Variants in SLC8A1 observed in about 807,000 individuals in gnomAD.
SLC8A1 encodes the protein sodium/calcium exchanger 1.
A neutral mutation model predicts 68.3 loss-of-function variants in SLC8A1; 18 were observed. The observed-to-expected ratio is 0.26, with a 90% CI of 0.18 to 0.39. SLC8A1 has a LOEUF of 0.39. SLC8A1 is among the 10% of genes least tolerant of loss of function. SLC8A1 has a pLI of 1.00. For synonymous variants in SLC8A1, 475 were observed against 415.5 expected, an observed-to-expected ratio of 1.14 and a Z score of -1.74; for missense variants, 985 against 1,156.7, an observed-to-expected ratio of 0.85 and a Z score of 2.15.
At chr2:40,444,893 A>C (rs1701154236) in intron 1 of SLC8A1, among the ~76,000 whole-genome samples, 1 of 152,186 alleles carries the variant, frequency 6.6e-6, no homozygotes, top group South Asian at 2.1e-4. Flanking sequence ...CATTTAAAAA[A>C]TCAGCTCTCT....
At chr2:40,486,002 T>A (rs1353098589) in intron 1 of SLC8A1, among the ~76,000 whole-genome samples, 1 of 152,232 alleles carries the variant, frequency 6.6e-6, no homozygotes, top group Non-Finnish European at 1.5e-5. Context: ...GTTCTCATAA[T>A]GGCCGCATGT....
chr2:40,308,037 T>C (rs561072376), intron 2 of SLC8A1, among the ~76,000 whole-genome samples: 27 of 152,132 alleles, frequency 1.8e-4, no homozygotes, highest in Middle Eastern at 3.4e-3. Context: ...TAAAATAATA[T>C]AAATAAAAGT....
At chr2:40,478,773 TG>T (rs1410126000) in intron 1 of SLC8A1, among the ~76,000 whole-genome samples, 3 of 151,440 alleles carry the variant, frequency 2.0e-5, no homozygotes, top group South Asian at 4.2e-4. Context: ...CTAATTTGTT[TG>T]TTTTTTTTTT....
At chr2:40,458,195 T>C (rs956921922) in intron 1 of SLC8A1, among the ~76,000 whole-genome samples, 2 of 152,198 alleles carry the variant, frequency 1.3e-5, no homozygotes, top group South Asian at 4.1e-4. Context: ...CTCTATCAAA[T>C]TTCACTATTA....
At position 40,232,625 on chromosome 2, in the gene SLC8A1, G is replaced by C. The variant is rs1270922855; in HGVS notation, c.1809-54770C>G. On this transcript the variant is annotated intron_variant, in intron 2 of 7. Coordinates refer to ENST00000406785, the Ensembl canonical transcript of SLC8A1. The stretch of plus-strand genomic sequence containing the variant: ...TTTTTTTTTTTTTTATATACTTTAA[G>C]TTTTAGGGTACATGTGCACATTGTG... Among the ~76,000 whole-genome samples the C allele has an allele frequency of 2.9e-5, 4 of 138,078 alleles. 1 individual carries two copies. Among genetic ancestry groups the C allele is most frequent in the African/African-American group, 1.1e-4 (4 of 37,316 alleles). The allele number at this position is 138,078 out of a possible 152,430, so 90.6% of individuals were successfully genotyped here. A position where few individuals can be genotyped will look rare whatever the true frequency, so the allele number is the denominator to read the frequency against.
intron 2 of SLC8A1, among the ~76,000 whole-genome samples, chr2:40,338,026 T>G (rs1666531111): frequency 6.6e-6 from 1 of 152,138 alleles, no homozygotes; most frequent in Non-Finnish European, 1.5e-5. Context: ...AGGCAGCATC[T>G]GAACTTAGGA....
At chr2:40,365,294 A>G (rs944222457) in intron 2 of SLC8A1, among the ~76,000 whole-genome samples, 1 of 152,062 alleles carries the variant, frequency 6.6e-6, no homozygotes, top group Non-Finnish European at 1.5e-5. Flanking sequence ...TCAGCTATAC[A>G]TTGACATATC....
intron 2 of SLC8A1, among the ~76,000 whole-genome samples, chr2:40,290,332 T>C (rs1344748951): frequency 6.6e-6 from 1 of 152,190 alleles, no homozygotes; most frequent in African/African-American, 2.4e-5. Flanking sequence ...CTGTATCTTC[T>C]AGTTGACCCA....
intron 6 of SLC8A1, among the ~76,000 whole-genome samples, chr2:40,142,600 G>A (rs750319931): frequency 3.9e-5 from 6 of 152,040 alleles, no homozygotes; most frequent in Admixed American, 6.6e-5. Context: ...TTTTGAAGAC[G>A]AACAAGAGAA....
At chr2:40,242,535 AACTCG>A (rs1179886240) in intron 2 of SLC8A1, among the ~76,000 whole-genome samples, 1 of 152,018 alleles carries the variant, frequency 6.6e-6, no homozygotes, top group Non-Finnish European at 1.5e-5. Flanking sequence ...TGCATCCAGC[AACTCG>A]ACTCTCCCTT....
intron 2 of SLC8A1, among the ~76,000 whole-genome samples, chr2:40,404,260 A>G (rs952523971): frequency 6.6e-6 from 1 of 152,188 alleles, no homozygotes; most frequent in Admixed American, 6.5e-5. Flanking sequence ...CTTTGTACAC[A>G]AATCTGACAA....
chr2:40,454,611 A>G (rs1040430258), upstream of SLC8A1, among the ~76,000 whole-genome samples: 6 of 152,058 alleles, frequency 3.9e-5, no homozygotes, highest in African/African-American at 1.4e-4. Flanking sequence ...ACAATATTAA[A>G]TGGTCTTCTG....
Position 40,307,788 on chromosome 2 carries a change from T to C in SLC8A1, c.1808+120685A>G, listed in dbSNP as rs74638527. 4.1e-3 allele frequency among the ~76,000 whole-genome samples: 627 copies of C among 152,212 alleles called. 4 individuals carry two copies. The highest frequency in any genetic ancestry group is 0.014 in the African/African-American group (598 of 41,544). ...ATCTAGTTTGTGCCTTTCAATGGCA[T>C]AGGATAGCAGCAAAGGCATCATAAC... On this transcript the variant is annotated intron_variant, in intron 2 of 7. Coordinates refer to ENST00000406785, the Ensembl canonical transcript of SLC8A1.
chr2:40,102,413 G>T (rs1176306538), exon 8 of SLC8A1: 1 of 151,572 alleles, frequency 6.6e-6, no homozygotes, highest in East Asian at 1.9e-4. Context: ...CAAATGCAAG[G>T]ACTTATAGAA....
rs147334028 is a variant in SLC8A1, at chr2:40,301,786, C to T, written c.1809-123931G>A. Among the ~76,000 whole-genome samples, 1,181 of 152,158 alleles carry T rather than the reference C, an allele frequency of 7.8e-3. 5 individuals are homozygous for T. The highest frequency in any genetic ancestry group is 0.012 in the Non-Finnish European group (805 of 67,994). On this transcript the variant is annotated intron_variant, in intron 2 of 7. Transcript: ENST00000406785. ...TAGGTTTTGGGGAAAACAGGTGGTA[C>T]TTGGTTTCATGAGTAAGTTCTTTAG...
intron 2 of SLC8A1, among the ~76,000 whole-genome samples, chr2:40,373,900 A>G (rs902545099): frequency 6.6e-6 from 1 of 152,262 alleles, no homozygotes. Context: ...TCTTTCAGAT[A>G]TCTTCCAAAC....
In SLC8A1 at chr2:40,217,602, T is replaced by C. The variant is rs370590533; in HGVS notation, c.1809-39747A>G. 2.6e-5 allele frequency among the ~76,000 whole-genome samples: 4 copies of C among 152,292 alleles called. No individual in the cohort carries two copies. The East Asian group carries it at 5.8e-4, about 22-fold the overall frequency. ...GGCTTCCTAATGCTGCTTTTGGTGT[T>C]CTTGTGAGCTCAGAGGATTCCTACT... On this transcript the variant is annotated intron_variant, in intron 2 of 7. Coordinates refer to ENST00000406785, the Ensembl canonical transcript of SLC8A1.
At chr2:40,342,855 G>T (rs991045094) in intron 2 of SLC8A1, among the ~76,000 whole-genome samples, 10 of 152,090 alleles carry the variant, frequency 6.6e-5, no homozygotes, top group African/African-American at 2.4e-4. Context: ...AACTAAAATA[G>T]AGTATTCGGG....
intron 1 of SLC8A1, among the ~76,000 whole-genome samples, chr2:40,500,621 A>G (rs992569269): frequency 1.3e-5 from 2 of 151,988 alleles, no homozygotes; most frequent in African/African-American, 4.8e-5. Context: ...ATTCTTGAAA[A>G]GAGGCTTTTA....
Sources: allele counts gnomAD v4.1 joint callset (sites outside exome capture counted in the v4.1 genomes callset), GRCh38; gene constraint gnomAD v4.1.1; transcripts MANE v1.5; gene names NCBI Gene and HGNC (gene_info 2026-07-23, HGNC 2026-07-21).